MRPL48: variants seen among roughly 807,000 people sequenced by gnomAD.
MRPL48 encodes the protein mitochondrial ribosomal protein L48.
In MRPL48, 16 loss-of-function variants were observed where a neutral mutation model predicts 32.9. The ratio of observed to expected loss-of-function variants is 0.49; its 90% CI spans 0.33 to 0.74. The LOEUF (loss-of-function observed/expected upper bound fraction) is 0.74. MRPL48 is among the 30% of genes least tolerant of loss of function. MRPL48 has a pLI of 0.02. For synonymous variants in MRPL48, 94 were observed against 89.2 expected, an observed-to-expected ratio of 1.05 and a Z score of -0.31; for missense variants, 206 against 245.3, an observed-to-expected ratio of 0.84 and a Z score of 1.07.
chr11:73,800,581 G>T (rs79351734), intron 1 of MRPL48, among the ~76,000 whole-genome samples: 1 of 151,956 alleles, frequency 6.6e-6, no homozygotes, highest in African/African-American at 2.4e-5. Flanking sequence ...TCATTCATTC[G>T]CTGGCGTCAC....
chr11:73,812,376 C>T (rs1314471957), intron 3 of MRPL48, among the ~76,000 whole-genome samples: 3 of 151,968 alleles, frequency 2.0e-5, no homozygotes, highest in African/African-American at 7.3e-5. Context: ...TTTCGTATGT[C>T]TTTGTAAACT....
chr11:73,794,184 G>GTATCTATCTATCTGTC (rs376507552), intron 1 of MRPL48, among the ~76,000 whole-genome samples: 3,220 of 139,292 alleles, frequency 0.023, 44 homozygotes, highest in Admixed American at 0.043. Flanking sequence ...GTGAGACCCT[G>GTATCTATCTATCTGTC]TATCTATCTA....
Position 73,810,719 on chromosome 11 carries a change from C to T in MRPL48, c.112+2369C>T, listed in dbSNP as rs552501956. Among the ~76,000 whole-genome samples, 130 of 151,766 alleles carry T rather than the reference C, an allele frequency of 8.6e-4. 1 individual carries two copies. The highest frequency in any genetic ancestry group is 3.4e-3 in the Middle Eastern group (1 of 294). On this transcript the variant is annotated intron_variant, in intron 3 of 7. Coordinates refer to ENST00000310614, the MANE Select transcript of MRPL48 (RefSeq NM_016055.6). ...TTATCTCTCCACTAGCCCCCCACCC[C>T]CCGAGAGGCCCTGGTATGTGATGTT... is the stretch of plus-strand genomic sequence containing the variant.
At chr11:73,797,879 T>A (rs1185314891) in intron 1 of MRPL48, among the ~76,000 whole-genome samples, 1 of 152,000 alleles carries the variant, frequency 6.6e-6, no homozygotes, top group Non-Finnish European at 1.5e-5. Context: ...CCCGTAACAA[T>A]ATGTGAGGCC....
chr11:73,794,831 G>A lies in MRPL48; in HGVS notation c.21+6839G>A, dbSNP rs1352335756. On this transcript the variant is annotated intron_variant, in intron 1 of 7. Coordinates refer to ENST00000310614, the MANE Select transcript of MRPL48 (RefSeq NM_016055.6). The stretch of plus-strand genomic sequence containing the variant: ...ATGATCTCGGCTCACCACAACCTCC[G>A]CCTCCCGGGTTCAAGCGATTCTCCT... Among the ~76,000 whole-genome samples, 7 of 146,820 alleles carry A rather than the reference G, an allele frequency of 4.8e-5. No individual in the cohort carries two copies. The East Asian group carries it at 6.2e-4, about 13-fold the overall frequency.
intron 3 of MRPL48, among the ~76,000 whole-genome samples, chr11:73,818,284 T>C (rs1947712129): frequency 6.6e-6 from 1 of 152,188 alleles, no homozygotes; most frequent in South Asian, 2.1e-4. Flanking sequence ...ACCATCTTTT[T>C]CTTATTGATT....
At chr11:73,822,613 C>T (rs1346678052) in intron 3 of MRPL48, among the ~76,000 whole-genome samples, 1 of 152,184 alleles carries the variant, frequency 6.6e-6, no homozygotes, top group Non-Finnish European at 1.5e-5. Context: ...AGTACTATCT[C>T]TGATAGGCCT....
intron 1 of MRPL48, among the ~76,000 whole-genome samples, chr11:73,800,580 C>G (rs779185179): frequency 3.8e-4 from 58 of 152,214 alleles, no homozygotes; most frequent in Non-Finnish European, 2.2e-4. Context: ...TTCATTCATT[C>G]GCTGGCGTCA....
chr11:73,853,970 G>T (rs1006385150), intron 5 of MRPL48, among the ~76,000 whole-genome samples: 2 of 151,968 alleles, frequency 1.3e-5, no homozygotes, highest in African/African-American at 2.4e-5. Context: ...GATTACAGGC[G>T]TGAGCCACCG....
At chr11:73,834,344 A>G (rs562001916) in intron 4 of MRPL48, among the ~76,000 whole-genome samples, 1 of 152,182 alleles carries the variant, frequency 6.6e-6, no homozygotes. Context: ...TAGATATTCC[A>G]GCTTTTTGTT....
chr11:73,834,013 C>T (rs1948043382), intron 4 of MRPL48, among the ~76,000 whole-genome samples: 1 of 152,038 alleles, frequency 6.6e-6, no homozygotes. Context: ...CGCCCCACCA[C>T]ACCTGGCTAA....
At chr11:73,822,427 TCTC>T in intron 3 of MRPL48, among the ~76,000 whole-genome samples, 1 of 152,194 alleles carries the variant, frequency 6.6e-6, no homozygotes, top group Non-Finnish European at 1.5e-5. Flanking sequence ...ACCTCGAGTA[TCTC>T]AAGGGAAAGT....
At chr11:73,805,142 A>G in intron 2 of MRPL48, 63 bp downstream of exon 2, 2 of 1,383,510 alleles carry the variant, frequency 1.4e-6, no homozygotes, top group Non-Finnish European at 2.0e-6. Context: ...CATAGTTCAC[A>G]CAGCATTTTT....
intron 3 of MRPL48, among the ~76,000 whole-genome samples, chr11:73,815,519 C>T (rs758479254): frequency 7.3e-5 from 11 of 150,212 alleles, no homozygotes; most frequent in Non-Finnish European, 1.5e-4. Context: ...TATTTGGAGT[C>T]AGGATCTCTC....
intron 4 of MRPL48, among the ~76,000 whole-genome samples, chr11:73,826,632 C>A (rs1947896262): frequency 6.6e-6 from 1 of 152,022 alleles, no homozygotes; most frequent in Non-Finnish European, 1.5e-5. Context: ...GCGTCCGCTG[C>A]CACACCTGGC....
Position 73,864,458 on chromosome 11 carries a change from C to T in MRPL48, c.*88C>T. The stretch of plus-strand genomic sequence containing the variant: ...GGTAGTTAGAGTTCATCAGGAGACC[C>T]AACCCTTAGATTTCATAAGTACCCA... On this transcript the variant is annotated 3_prime_UTR_variant, in exon 8 of 8. Coordinates refer to ENST00000310614, the MANE Select transcript of MRPL48 (RefSeq NM_016055.6). 7.5e-7 allele frequency: 1 copy of T among 1,326,716 alleles called. No homozygotes were observed. The allele number at this position is 1,326,716 out of a possible 1,614,324, so 82.2% of individuals were successfully genotyped here. A position where few individuals can be genotyped will look rare whatever the true frequency, so the allele number is the denominator to read the frequency against.
intron 3 of MRPL48, among the ~76,000 whole-genome samples, chr11:73,820,240 T>C (rs1947752351): frequency 6.6e-6 from 1 of 152,220 alleles, no homozygotes; most frequent in African/African-American, 2.4e-5. Flanking sequence ...CTCTTTCTTT[T>C]TTGAGACAGA....
At chr11:73,853,761 G>C (rs1948441402) in intron 5 of MRPL48, among the ~76,000 whole-genome samples, 1 of 136,466 alleles carries the variant, frequency 7.3e-6, no homozygotes. Context: ...CGCGATCTCG[G>C]CTCACTGCAA....
chr11:73,802,446 A>C (rs1590936810), intron 1 of MRPL48, among the ~76,000 whole-genome samples: 1 of 151,898 alleles, frequency 6.6e-6, no homozygotes, highest in Non-Finnish European at 1.5e-5. Context: ...CCAAAAAAAA[A>C]CTCCATACCC....
Sources: allele counts gnomAD v4.1 joint callset (sites outside exome capture counted in the v4.1 genomes callset), GRCh38; gene constraint gnomAD v4.1.1; transcripts MANE v1.5; gene names NCBI Gene and HGNC (gene_info 2026-07-23, HGNC 2026-07-21).